The following TMEM132C variants were observed in gnomAD, a reference collection of about 807,000 sequenced individuals.
The protein encoded by TMEM132C is transmembrane protein 132C.
In TMEM132C, 29 loss-of-function variants were observed where a neutral mutation model predicts 61.4. The ratio of observed to expected loss-of-function variants is 0.47; its 90% CI spans 0.35 to 0.64. The LOEUF is 0.64. Ranked by LOEUF, TMEM132C falls within the 30% of genes least tolerant of loss-of-function variation. The pLI, the probability that TMEM132C is intolerant of heterozygous loss-of-function variation, is 0.00. For missense variants in TMEM132C, 1,408 were observed against 1,476.9 expected, an observed-to-expected ratio of 0.95 and a Z score of 0.76; for synonymous variants, 656 against 633.1, an observed-to-expected ratio of 1.04 and a Z score of -0.54.
intron 1 of TMEM132C, among the ~76,000 whole-genome samples, chr12:128,372,980 G>A (rs910142181): frequency 6.6e-5 from 10 of 152,218 alleles, no homozygotes; most frequent in African/African-American, 2.4e-4. Context: ...CTGGATTTCA[G>A]TTCAAAGAGC....
intron 2 of TMEM132C, among the ~76,000 whole-genome samples, chr12:128,486,552 G>A (rs866249358): frequency 6.6e-5 from 10 of 152,208 alleles, no homozygotes; most frequent in South Asian, 2.1e-4. Context: ...AGTGTGGGTC[G>A]CTAAGACTTT....
At chr12:128,368,138 G>C (rs1198593654) in intron 1 of TMEM132C, among the ~76,000 whole-genome samples, 1 of 152,334 alleles carries the variant, frequency 6.6e-6, no homozygotes, top group Non-Finnish European at 1.5e-5. Flanking sequence ...CAGCCAGGGT[G>C]CCCCACTTGG....
At chr12:128,467,709 GC>G (rs925316965) in intron 2 of TMEM132C, among the ~76,000 whole-genome samples, 25 of 152,138 alleles carry the variant, frequency 1.6e-4, no homozygotes, top group Admixed American at 7.9e-4. Context: ...AGGATGAAGA[GC>G]CCAGACTGGA....
chr12:128,707,877 C>T lies in TMEM132C; in HGVS notation c.*1582C>T, dbSNP rs1439117418. The stretch of plus-strand genomic sequence containing the variant: ...AGATATTTATTTATACCTGTGATGC[C>T]AATTGTCATTAAAAGGCTTTTCATG... On this transcript the variant is annotated 3_prime_UTR_variant, in exon 9 of 9. Transcript: ENST00000435159. 6.6e-6 allele frequency: 1 copy of T among 151,942 alleles called. No individual in the cohort carries two copies. Among genetic ancestry groups the T allele is most frequent in the African/African-American group, 2.4e-5 (1 of 41,354 alleles). 9.4% of individuals were successfully genotyped at this position (151,942 alleles called of 1,614,324 possible).
chr12:128,542,875 A>C (rs1185258244), intron 2 of TMEM132C, among the ~76,000 whole-genome samples: 1 of 151,642 alleles, frequency 6.6e-6, no homozygotes, highest in East Asian at 1.9e-4. Flanking sequence ...AAAAAAAAAA[A>C]AAAAAAATGT....
At chr12:128,445,550 G>A (rs1278884774) in intron 2 of TMEM132C, among the ~76,000 whole-genome samples, 1 of 152,134 alleles carries the variant, frequency 6.6e-6, no homozygotes, top group Non-Finnish European at 1.5e-5. Context: ...GGAGCCCTGG[G>A]AAGCTGCCTG....
chr12:128,356,418 C>T (rs867258593), intron 1 of TMEM132C, among the ~76,000 whole-genome samples: 14 of 152,148 alleles, frequency 9.2e-5, no homozygotes, highest in Admixed American at 2.6e-4. Flanking sequence ...CAATAAAACG[C>T]GTCGACTCCA....
intron 1 of TMEM132C, among the ~76,000 whole-genome samples, chr12:128,337,998 A>G (rs1462229313): frequency 6.6e-6 from 1 of 152,194 alleles, no homozygotes; most frequent in Admixed American, 6.5e-5. Flanking sequence ...AACAGGAACC[A>G]GGGAAAGAAA....
chr12:128,346,707 C>T (rs369447041), intron 1 of TMEM132C, among the ~76,000 whole-genome samples: 87 of 152,144 alleles, frequency 5.7e-4, no homozygotes, highest in Admixed American at 1.8e-3. Context: ...TCTTGACTGT[C>T]GATGGCGTAT....
chr12:128,459,577 A>G (rs1194897321), intron 2 of TMEM132C, among the ~76,000 whole-genome samples: 5 of 152,118 alleles, frequency 3.3e-5, no homozygotes, highest in African/African-American at 1.2e-4. Flanking sequence ...CAGAAGACCA[A>G]GTTTTGAGGG....
chr12:128,423,199 G>A (rs938940038), intron 2 of TMEM132C, among the ~76,000 whole-genome samples: 6 of 152,156 alleles, frequency 3.9e-5, no homozygotes, highest in African/African-American at 1.4e-4. Flanking sequence ...GCTTTGTAGG[G>A]GTGCACTCAG....
chr12:128,704,845 C>T (rs1345748777), intron 8 of TMEM132C, among the ~76,000 whole-genome samples: 2 of 152,108 alleles, frequency 1.3e-5, no homozygotes, highest in African/African-American at 4.8e-5. Context: ...TTTGTTTTGC[C>T]ATTTGTTTGT....
chr12:128,560,575 C>T (rs974960748), intron 3 of TMEM132C, among the ~76,000 whole-genome samples: 1 of 152,144 alleles, frequency 6.6e-6, no homozygotes, highest in Non-Finnish European at 1.5e-5. Flanking sequence ...TGGTGATCAC[C>T]TGCTTCATCT....
intron 2 of TMEM132C, among the ~76,000 whole-genome samples, chr12:128,519,443 A>G (rs986736313): frequency 6.6e-6 from 1 of 152,146 alleles, no homozygotes; most frequent in African/African-American, 2.4e-5. Context: ...TTGTCCCTAT[A>G]TTTGTCCCTT....
chr12:128,564,523 G>A (rs1283002682), intron 3 of TMEM132C, among the ~76,000 whole-genome samples: 1 of 152,194 alleles, frequency 6.6e-6, no homozygotes, highest in African/African-American at 2.4e-5. Flanking sequence ...AGGAATTCCA[G>A]TTCAACCATG....
intron 2 of TMEM132C, among the ~76,000 whole-genome samples, chr12:128,531,089 A>T (rs1406241791): frequency 6.9e-6 from 1 of 144,632 alleles, no homozygotes; most frequent in African/African-American, 2.7e-5. Context: ...GAAGCAAAAC[A>T]TTGGTAATTG....
chr12:128,568,267 CA>C (rs1874767313), intron 3 of TMEM132C, among the ~76,000 whole-genome samples: 1 of 152,194 alleles, frequency 6.6e-6, no homozygotes, highest in South Asian at 2.1e-4. Flanking sequence ...TGAAGACCTT[CA>C]GGGGCAGCCA....
At chr12:128,628,867 T>G (rs1010763028) in intron 4 of TMEM132C, among the ~76,000 whole-genome samples, 1 of 152,220 alleles carries the variant, frequency 6.6e-6, no homozygotes, top group Non-Finnish European at 1.5e-5. Flanking sequence ...TCCTTATTGT[T>G]TGGTATATGA....
chr12:128,598,817 C>T (rs751115807), intron 3 of TMEM132C, among the ~76,000 whole-genome samples: 38 of 133,084 alleles, frequency 2.9e-4, no homozygotes, highest in African/African-American at 9.7e-4. Context: ...TGGGACCATG[C>T]GCTGCTGAGC....
Sources: allele counts gnomAD v4.1 joint callset (sites outside exome capture counted in the v4.1 genomes callset), GRCh38; gene constraint gnomAD v4.1.1; transcripts MANE v1.5; gene names NCBI Gene and HGNC (gene_info 2026-07-23, HGNC 2026-07-21).